SLC45A4: variants seen among roughly 807,000 people sequenced by gnomAD.
SLC45A4 encodes the protein polyamine-transporter SLC45A4.
In SLC45A4, 32 loss-of-function variants were observed where a neutral mutation model predicts 63.7. The ratio of observed to expected loss-of-function variants is 0.50; its 90% CI spans 0.38 to 0.67. SLC45A4 has a LOEUF of 0.67. Ranked by LOEUF, SLC45A4 falls within the 30% of genes least tolerant of loss-of-function variation. The pLI is 0.00. For synonymous variants in SLC45A4, 535 were observed against 510.0 expected (o/e 1.05, Z -0.66); for missense variants, 1,027 against 1,157.7 (o/e 0.89, Z 1.64).
chr8:141,230,646 G>A (rs550565544), intron 2 of SLC45A4, among the ~76,000 whole-genome samples: 13 of 151,618 alleles, frequency 8.6e-5, no homozygotes, highest in Non-Finnish European at 1.6e-4. Flanking sequence ...CTGCCCGAGC[G>A]CACGCTGTGT....
intron 1 of SLC45A4, among the ~76,000 whole-genome samples, chr8:141,284,096 T>C (rs754411546): frequency 6.6e-6 from 1 of 152,240 alleles, no homozygotes; most frequent in Non-Finnish European, 1.5e-5. Flanking sequence ...ATTTGCTTAA[T>C]GACTCAGTGA....
At chr8:141,228,398 AC>A in intron 2 of SLC45A4, 3 of 1,468,520 alleles carry the variant, frequency 2.0e-6, no homozygotes, top group Non-Finnish European at 2.7e-6. Context: ...CCCAAGCAGG[AC>A]GCTGGCGCTC....
intron 3 of SLC45A4, among the ~76,000 whole-genome samples, chr8:141,220,283 A>G (rs941859968): frequency 1.2e-4 from 18 of 152,130 alleles, no homozygotes; most frequent in Non-Finnish European, 2.2e-4. Flanking sequence ...AGGCAGGCGC[A>G]GGGGGTCTCG....
chr8:141,251,959 CCGTG>C (rs1828487688), intron 2 of SLC45A4, among the ~76,000 whole-genome samples: 4 of 146,628 alleles, frequency 2.7e-5, no homozygotes, highest in Non-Finnish European at 6.0e-5. Flanking sequence ...GGAGTCAGAT[CCGTG>C]CACATAACCG....
intron 2 of SLC45A4, among the ~76,000 whole-genome samples, chr8:141,239,107 CTCTAG>C (rs1456969200): frequency 2.0e-5 from 3 of 152,324 alleles, no homozygotes; most frequent in Non-Finnish European, 4.4e-5. Flanking sequence ...GCAGGGTTCA[CTCTAG>C]TCCCCAGATG....
At chr8:141,243,600 G>A (rs1279058491) in intron 2 of SLC45A4, among the ~76,000 whole-genome samples, 1 of 152,020 alleles carries the variant, frequency 6.6e-6, no homozygotes, top group South Asian at 2.1e-4. Context: ...AGCCGTAATC[G>A]CACCACTGTG....
At chr8:141,287,127 C>T (rs965070550) in intron 1 of SLC45A4, among the ~76,000 whole-genome samples, 2 of 152,160 alleles carry the variant, frequency 1.3e-5, no homozygotes, top group African/African-American at 2.4e-5. Flanking sequence ...CACTTCTACA[C>T]GCTTTCATTC....
At chr8:141,274,057 G>A (rs1281804859) in intron 1 of SLC45A4, among the ~76,000 whole-genome samples, 3 of 151,182 alleles carry the variant, frequency 2.0e-5, no homozygotes, top group Non-Finnish European at 4.4e-5. Flanking sequence ...GTGAAACCTC[G>A]TCTCTACTAA....
intron 1 of SLC45A4, among the ~76,000 whole-genome samples, chr8:141,307,388 G>C (rs1332359882): frequency 6.6e-6 from 1 of 152,166 alleles, no homozygotes; most frequent in African/African-American, 2.4e-5. Flanking sequence ...TCTTCAAAGG[G>C]ACACAAGGGA....
chr8:141,254,533 T>C lies in SLC45A4; in HGVS notation c.-304A>G. ...TTAATACCAGTTTCATCATTATTAC[T>C]GAAGAGGTGCTGAAGTGATTTTTCT... On this transcript the variant is annotated 5_prime_UTR_variant, in exon 2 of 9. Coordinates refer to ENST00000517878, the MANE Select transcript of SLC45A4 (RefSeq NM_001286646.2). The surrounding 1 kb of genome is among the most constrained non-coding windows in gnomAD (Gnocchi z 4.5). 1 of 702,156 alleles carries C rather than the reference T, an allele frequency of 1.4e-6. No individual in the cohort carries two copies. Among genetic ancestry groups the C allele is most frequent in the Non-Finnish European group, 2.6e-6 (1 of 384,652 alleles). 43.5% of individuals were successfully genotyped at this position (702,156 alleles called of 1,614,324 possible).
intron 6 of SLC45A4, 132 bp downstream of exon 6, chr8:141,216,958 C>A: frequency 2.4e-6 from 2 of 844,872 alleles, no homozygotes; most frequent in Non-Finnish European, 1.8e-6. Context: ...AAGGGGTGGC[C>A]CTGTTTTGAG....
At chr8:141,306,691 T>C (rs768431859) in intron 1 of SLC45A4, among the ~76,000 whole-genome samples, 4 of 152,234 alleles carry the variant, frequency 2.6e-5, no homozygotes, top group Non-Finnish European at 5.9e-5. Context: ...AGGATAAGAT[T>C]CCTACCACAT....
rs549836484 is a variant in SLC45A4 at position 141,302,665 on chromosome 8, G to A, written c.-401+5431C>T. Among the ~76,000 whole-genome samples, 19 of 152,302 alleles carry A rather than the reference G, an allele frequency of 1.2e-4. No homozygotes were observed. The Middle Eastern group carries it at 0.017, about 136-fold the overall frequency. On this transcript the variant is annotated intron_variant, in intron 1 of 8. Coordinates refer to ENST00000517878, the MANE Select transcript of SLC45A4 (RefSeq NM_001286646.2). ...TTTTACAGAACACATAAGCAAAAAT[G>A]TTTTCAGGCCTTTGCTTGACAGCAA...
chr8:141,243,505 T>G (rs1828014026), intron 2 of SLC45A4, among the ~76,000 whole-genome samples: 1 of 152,032 alleles, frequency 6.6e-6, no homozygotes, highest in African/African-American at 2.4e-5. Context: ...ACAGGCCGGG[T>G]GCAGTGGCTC....
rs554159744 is a variant in SLC45A4 at position 141,207,397 on chromosome 8, C to G, written c.*4175G>C. The G allele has an allele frequency of 6.6e-6, 1 of 152,304 alleles. No homozygotes were observed. Among genetic ancestry groups the G allele is most frequent in the South Asian group, 2.1e-4 (1 of 4,824 alleles). The allele number at this position is 152,304 out of a possible 1,614,324, so 9.4% of individuals were successfully genotyped here. ...ACACAAACATGAGGCCACTGTTACCCAACTAATAGAAGAGAGTCATGAGCG... is the reference window on the plus strand; with the variant it reads ...ACACAAACATGAGGCCACTGTTACCGAACTAATAGAAGAGAGTCATGAGCG... On this transcript the variant is annotated 3_prime_UTR_variant, in exon 9 of 9. Coordinates refer to ENST00000517878, the MANE Select transcript of SLC45A4 (RefSeq NM_001286646.2).
intron 2 of SLC45A4, among the ~76,000 whole-genome samples, chr8:141,242,736 C>T (rs1207305554): frequency 2.0e-5 from 3 of 152,168 alleles, no homozygotes; most frequent in East Asian, 3.9e-4. Flanking sequence ...GGAAGAGAGC[C>T]GGCAGATACT....
intron 2 of SLC45A4, among the ~76,000 whole-genome samples, chr8:141,230,506 G>A (rs1031773444): frequency 2.0e-5 from 3 of 152,240 alleles, no homozygotes; most frequent in Non-Finnish European, 4.4e-5. Context: ...CGGTGGCCAC[G>A]TGAAGGTCTG....
intron 2 of SLC45A4, among the ~76,000 whole-genome samples, chr8:141,235,989 G>T (rs554779262): frequency 3.3e-4 from 50 of 152,102 alleles, no homozygotes; most frequent in African/African-American, 1.1e-3. Context: ...CTGTAATCCC[G>T]GCTACTCAGG....
At chr8:141,292,941 T>A (rs72683512) in intron 1 of SLC45A4, 1 of 152,190 alleles carries the variant, frequency 6.6e-6, no homozygotes, top group Non-Finnish European at 1.5e-5. Flanking sequence ...CGCAGATGCC[T>A]GACTCTGGGA....
Sources: allele counts gnomAD v4.1 joint callset (sites outside exome capture counted in the v4.1 genomes callset), GRCh38; gene constraint gnomAD v4.1.1; non-coding constraint Gnocchi (gnomAD v3.1); transcripts MANE v1.5; gene names NCBI Gene and HGNC (gene_info 2026-07-23, HGNC 2026-07-21).